The following DNALI1 variants were observed in gnomAD, a reference collection of about 807,000 sequenced individuals.
DNALI1 encodes the protein dynein axonemal light intermediate chain 1, also known as axonemal dynein light intermediate polypeptide 1.
Under a neutral mutation model 33.9 loss-of-function variants are expected in DNALI1, and 31 were observed. The ratio of observed to expected loss-of-function variants is 0.91; its 90% CI spans 0.69 to 1.23. DNALI1 has a LOEUF of 1.23. Among genes scored for constraint, DNALI1 ranks in the 50% most tolerant of loss-of-function variants. The pLI is 0.00. For missense variants in DNALI1, 305 were observed against 323.8 expected, an observed-to-expected ratio of 0.94 and a Z score of 0.44; for synonymous variants, 117 against 129.2, an observed-to-expected ratio of 0.91 and a Z score of 0.64.
Position 37,559,542 on chromosome 1 carries a change from C to T in DNALI1, c.397+46C>T. 6.6e-7 allele frequency: 1 copy of T among 1,522,690 alleles called. No homozygotes were observed. Among genetic ancestry groups the T allele is most frequent in the East Asian group, 2.4e-5 (1 of 41,250 alleles). 94.3% of individuals were successfully genotyped at this position (1,522,690 alleles called of 1,614,324 possible). A position where few individuals can be genotyped will look rare whatever the true frequency, so the allele number is the denominator to read the frequency against. ...GTGGGCACTACACACCCTACTGCTC[C>T]CTTCCCTTCACCTTCAGCACAGATC... On this transcript the variant is annotated intron_variant, in intron 3 of 5. Transcript: ENST00000652629. The surrounding 1 kb of genome is among the most constrained non-coding windows in gnomAD (Gnocchi z 5.3).
Position 37,557,728 on chromosome 1 carries a change from G to C in DNALI1, c.207G>C (p.Leu69Phe). 3.7e-6 allele frequency: 6 copies of C among 1,613,806 alleles called. No individual in the cohort carries two copies. The South Asian group carries it at 6.6e-5, about 18-fold the overall frequency. The change falls in exon 2 of 6, where the codon TTG (leucine) becomes TTC (phenylalanine). Residue 69 changes from leucine (L) to phenylalanine (F), a missense_variant. By Grantham distance (22) the Leu-to-Phe change is conservative. Transcript: ENST00000652629. ...PDPTKQAEEILNAILPPREWV... is the reference protein window; with the variant it reads ...PDPTKQAEEIFNAILPPREWV... ...CTACAAAGCAGGCAGAAGAAATCTT[G>C]AATGCCATACTACCCCCAAGGTAAG... is the stretch of plus-strand genomic sequence containing the variant.
Position 37,557,028 on chromosome 1 carries a change from G to A in DNALI1, c.34G>A (p.Asp12Asn), listed in dbSNP as rs746045459. ...IPPADSLLKY[D>N]TPVLVSRNTE... ...GCCCGCAGACTCTTTGCTCAAGTAC[G>A]ACACCCCAGTGCTGGTGAGCCGGAA... The change falls in exon 1 of 6, where the codon GAC becomes AAC. Residue 12 changes from aspartate to asparagine, a missense_variant. Physicochemically the swap from Asp to Asn is conservative, Grantham distance 23. Coordinates refer to ENST00000652629, the MANE Select transcript of DNALI1 (RefSeq NM_003462.5). The A allele has an allele frequency of 6.2e-7, 1 of 1,614,208 alleles. No homozygotes were observed. The highest frequency in any genetic ancestry group is 1.1e-5 in the South Asian group (1 of 91,082).
In DNALI1 at chr1:37,558,004, T is replaced by C. The variant is rs192836072; in HGVS notation, c.227+256T>C. 8 of 453,030 alleles carry C rather than the reference T, an allele frequency of 1.8e-5. No homozygotes were observed. The East Asian group carries it at 3.1e-4, about 17-fold the overall frequency. 28.1% of individuals were successfully genotyped at this position (453,030 alleles called of 1,614,324 possible). A position where few individuals can be genotyped will look rare whatever the true frequency, so the allele number is the denominator to read the frequency against. Reference sequence around the variant, plus strand: ...CCTATGTGCTGATGGCTCCCAAATGTGTATTTCCAGCCCTGTCTTCTCCAC... The same window carrying C: ...CCTATGTGCTGATGGCTCCCAAATGCGTATTTCCAGCCCTGTCTTCTCCAC... On this transcript the variant is annotated intron_variant, in intron 2 of 5. Transcript: ENST00000652629.
chr1:37,557,147 G>T, intron 1 of DNALI1, 72 bp downstream of exon 1: 1 of 1,603,158 alleles, frequency 6.2e-7, no homozygotes, highest in South Asian at 1.1e-5. Flanking sequence ...CCGCATGGAG[G>T]GTCAGGAATC....
intron 5 of DNALI1, among the ~76,000 whole-genome samples, chr1:37,564,677 G>A (rs1298222593): frequency 4.6e-5 from 7 of 152,052 alleles, no homozygotes; most frequent in African/African-American, 9.7e-5. Context: ...CACTGCGCCC[G>A]GCCAGAGAGC....
chr1:37,561,502 C>T lies in DNALI1; in HGVS notation c.398-55C>T. ...AGGAAGGGTGTTTGCAGTAGACATA[C>T]TGCAAGCCCCCTCCCCACGCCCTGT... On this transcript the variant is annotated intron_variant, in intron 3 of 5. Coordinates refer to ENST00000652629, the MANE Select transcript of DNALI1 (RefSeq NM_003462.5). The surrounding 1 kb of genome is among the most constrained non-coding windows in gnomAD (Gnocchi z 4.6). 6 of 1,583,646 alleles carry T rather than the reference C, an allele frequency of 3.8e-6. No homozygotes were observed. In the South Asian group the frequency reaches 5.8e-5, roughly 15 times the overall value.
Position 37,565,033 on chromosome 1 carries a change from T to A in DNALI1, c.749T>A (p.Leu250Gln). Reference sequence around the variant, plus strand: ...CTTGTTTTTGTTTTTCAGGCCCAACTGGAAGGCATTATTGCACCAAAGAAG... The same window carrying A: ...CTTGTTTTTGTTTTTCAGGCCCAACAGGAAGGCATTATTGCACCAAAGAAG... ...KRTNQQLKAQ[L>Q]EGIIAPKK The change falls in exon 6 of 6, where the codon CTG becomes CAG. Residue 250 changes from leucine to glutamine, a missense_variant. Physicochemically the swap from Leu to Gln is moderately radical, Grantham distance 113. Transcript: ENST00000652629. 1.9e-6 allele frequency: 3 copies of A among 1,614,204 alleles called. No homozygotes were observed. The highest frequency in any genetic ancestry group is 2.5e-6 in the Non-Finnish European group (3 of 1,180,030).
At chr1:37,560,945 G>A (rs1236744016) in intron 3 of DNALI1, 1 of 152,318 alleles carries the variant, frequency 6.6e-6, no homozygotes, top group Non-Finnish European at 1.5e-5. Flanking sequence ...GCACCTCCTT[G>A]AGTGCTGGTG....
At position 37,561,870 on chromosome 1, in the gene DNALI1, C is replaced by T. The variant is rs983490382; in HGVS notation, c.576+135C>T. 4.4e-6 allele frequency: 6 copies of T among 1,379,220 alleles called. No homozygotes were observed. In the African/African-American group the frequency reaches 5.8e-5, roughly 13 times the overall value. 85.4% of individuals were successfully genotyped at this position (1,379,220 alleles called of 1,614,324 possible). A position where few individuals can be genotyped will look rare whatever the true frequency, so the allele number is the denominator to read the frequency against. On this transcript the variant is annotated intron_variant, in intron 4 of 5. Coordinates refer to ENST00000652629, the MANE Select transcript of DNALI1 (RefSeq NM_003462.5). The surrounding 1 kb of genome is among the most constrained non-coding windows in gnomAD (Gnocchi z 4.6). ...GTCACGACACCTGGACTTGCATCAC[C>T]TCAGTGAGGGACCCCTGGTTGAGTA...
chr1:37,557,987 C>A, intron 2 of DNALI1: 1 of 506,228 alleles, frequency 2.0e-6, no homozygotes, highest in Non-Finnish European at 3.5e-6. Flanking sequence ...CACCTATGTG[C>A]TGATGGCTCC....
rs765042592 is a variant in DNALI1, at chr1:37,557,745, C to T, written c.224C>T (p.Pro75Leu). The stretch of plus-strand genomic sequence containing the variant: ...GAAATCTTGAATGCCATACTACCCC[C>T]AAGGTAAGAAAGTAGGAGCAGTGGC... Reference protein sequence around the residue: ...AEEILNAILPPREWVEDTQLW... With the variant: ...AEEILNAILPLREWVEDTQLW... Residue 75 changes from proline to leucine, a missense_variant, in exon 2 of 6, where the codon CCA becomes CTA. By Grantham distance (98) the Pro-to-Leu change is moderately conservative. Transcript: ENST00000652629. 1.7e-5 allele frequency: 27 copies of T among 1,613,548 alleles called. No individual in the cohort carries two copies. The highest frequency in any genetic ancestry group is 2.2e-5 in the Non-Finnish European group (26 of 1,179,822).
Position 37,566,815 on chromosome 1 carries a change from C to G in DNALI1, c.*1754C>G, listed in dbSNP as rs1228279989. 1 of 1,578,464 alleles carries G rather than the reference C, an allele frequency of 6.3e-7. No individual in the cohort carries two copies. The highest frequency in any genetic ancestry group is 1.4e-5 in the African/African-American group (1 of 73,942). ...GGCAGGAAGAAAACACAATTTCTAACTGCCTGTTTTTGTATAATTTAATAA... is the reference window on the plus strand; with the variant it reads ...GGCAGGAAGAAAACACAATTTCTAAGTGCCTGTTTTTGTATAATTTAATAA... On this transcript the variant is annotated 3_prime_UTR_variant, in exon 6 of 6. Coordinates refer to ENST00000652629, the MANE Select transcript of DNALI1 (RefSeq NM_003462.5).
chr1:37,557,677 C>T lies in DNALI1; in HGVS notation c.156C>T (p.Leu52=), dbSNP rs1557631811. 1 of 1,613,988 alleles carries T rather than the reference C, an allele frequency of 6.2e-7. No homozygotes were observed. Among genetic ancestry groups the T allele is most frequent in the Non-Finnish European group, 8.5e-7 (1 of 1,179,998 alleles). The part of the protein sequence containing the change: ...GSAPQPPKTK[L]PSTPCVPDPT... ...CCCCACAGCCACCCAAGACCAAGCT[C>T]CCCTCAACTCCCTGTGTCCCAGATC... The change falls in exon 2 of 6, where the codon CTC becomes CTT. Residue 52 remains leucine (L), a synonymous_variant. Coordinates refer to ENST00000652629, the MANE Select transcript of DNALI1 (RefSeq NM_003462.5).
chr1:37,558,620 C>G (rs115771290), intron 2 of DNALI1, among the ~76,000 whole-genome samples: 7 of 152,308 alleles, frequency 4.6e-5, no homozygotes, highest in Non-Finnish European at 8.8e-5. Context: ...ATGCCTCATT[C>G]ACTCTCCTAC....
intron 5 of DNALI1, among the ~76,000 whole-genome samples, chr1:37,563,569 C>T (rs962688489): frequency 6.6e-6 from 1 of 152,196 alleles, no homozygotes; most frequent in Non-Finnish European, 1.5e-5. Context: ...CAACTCATTG[C>T]AACCTCTACC....
At position 37,562,864 on chromosome 1, in the gene DNALI1, C is replaced by G. The variant is rs1643457266; in HGVS notation, c.741+619C>G. 2.0e-5 allele frequency among the ~76,000 whole-genome samples: 3 copies of G among 152,212 alleles called. No homozygotes were observed. Among genetic ancestry groups the G allele is most frequent in the Admixed American group, 2.0e-4 (3 of 15,282 alleles). On this transcript the variant is annotated intron_variant, in intron 5 of 5. Coordinates refer to ENST00000652629, the MANE Select transcript of DNALI1 (RefSeq NM_003462.5). The surrounding 1 kb of genome is among the most constrained non-coding windows in gnomAD (Gnocchi z 5.8). The stretch of plus-strand genomic sequence containing the variant: ...GCAGGAGGCCATGCTACAGGCACTG[C>G]AACTCCCAGCTGTTTGGTCCAAAGG...
chr1:37,562,254 C>T lies in DNALI1; in HGVS notation c.741+9C>T, dbSNP rs780420246. On this transcript the variant is annotated intron_variant, in intron 5 of 5. Coordinates refer to ENST00000652629, the MANE Select transcript of DNALI1 (RefSeq NM_003462.5). The surrounding 1 kb of genome is among the most constrained non-coding windows in gnomAD (Gnocchi z 5.8). The stretch of plus-strand genomic sequence containing the variant: ...CAAATCAGCAGCTGAAGGTAATCAA[C>T]GCGCAGGGTGGGGTGGAGGTGCCCC... 5.0e-6 allele frequency: 8 copies of T among 1,609,008 alleles called. No homozygotes were observed. The highest frequency in any genetic ancestry group is 2.2e-5 in the East Asian group (1 of 44,622).
Position 37,559,344 on chromosome 1 carries a change from C to G in DNALI1, c.245C>G (p.Thr82Arg). The G allele has an allele frequency of 6.2e-7, 1 of 1,604,962 alleles. No individual in the cohort carries two copies. Among genetic ancestry groups the G allele is most frequent in the Non-Finnish European group, 8.5e-7 (1 of 1,175,940 alleles). Residue 82 changes from threonine (T) to arginine (R), a missense_variant, in exon 3 of 6, where the codon ACG (threonine) becomes AGG (arginine). Transcript: ENST00000652629. The surrounding 1 kb of genome is among the most constrained non-coding windows in gnomAD (Gnocchi z 5.3). ...TGCCACAGGGAGTGGGTGGAAGACA[C>G]GCAGCTATGGATCCAGCAGGTGTCC... The part of the protein sequence containing the change: ...ILPPREWVED[T>R]QLWIQQVSST...
chr1:37,557,776 G>C (rs144000156), intron 2 of DNALI1, 28 bp downstream of exon 2: 1 of 1,612,976 alleles, frequency 6.2e-7, no homozygotes, highest in East Asian at 2.2e-5. Context: ...GTGGCTGGGA[G>C]AAGGCCTAAG....
Sources: gnomAD v4.1 joint callset for allele counts (sites outside exome capture counted in the v4.1 genomes callset) on GRCh38, gnomAD v4.1.1 for gene constraint, Gnocchi (gnomAD v3.1) non-coding constraint, MANE v1.5 for transcripts, NCBI Gene and HGNC (gene_info 2026-07-23, HGNC 2026-07-21) for gene names.